The following ATF7 variants were observed in gnomAD, a reference collection of about 807,000 sequenced individuals.
The protein encoded by ATF7 is activating transcription factor 7, also known as cyclic AMP-dependent transcription factor ATF-7.
Under a neutral mutation model 50.4 loss-of-function variants are expected in ATF7, and 10 were observed. That is an observed-to-expected ratio of 0.20 (90% CI 0.12 to 0.34). The LOEUF is 0.34. Ranked by LOEUF, ATF7 falls within the 10% of genes least tolerant of loss-of-function variation. ATF7 has a pLI of 1.00. For missense variants in ATF7, 465 were observed against 613.9 expected (o/e 0.76, Z 2.56); for synonymous variants, 201 against 226.4 (o/e 0.89, Z 1.01).
At chr12:53,557,090 A>T (rs1940803704) in intron 2 of ATF7, among the ~76,000 whole-genome samples, 1 of 152,216 alleles carries the variant, frequency 6.6e-6, no homozygotes, top group South Asian at 2.1e-4. Flanking sequence ...AGTGATAAAA[A>T]TCGTGACCTA....
At chr12:53,549,715 A>G (rs1439835795) in intron 3 of ATF7, among the ~76,000 whole-genome samples, 1 of 152,116 alleles carries the variant, frequency 6.6e-6, no homozygotes, top group African/African-American at 2.4e-5. Flanking sequence ...CCTGCCGAGT[A>G]GCTGGGACTA....
At chr12:53,533,341 C>CTGGAA in intron 6 of ATF7, 82 bp from the exon 7 acceptor site, 1 of 1,216,216 alleles carries the variant, frequency 8.2e-7, no homozygotes, top group Non-Finnish European at 1.2e-6. Flanking sequence ...GAAGATTTTC[C>CTGGAA]AGTCTTCTCT....
At position 53,615,240 on chromosome 12, in the gene ATF7, C is replaced by G. The variant is rs138524057; in HGVS notation, c.-22+11039G>C. Among the ~76,000 whole-genome samples, 298 of 152,026 alleles carry G rather than the reference C, an allele frequency of 2.0e-3. 1 individual carries two copies. Among genetic ancestry groups the G allele is most frequent in the African/African-American group, 7.1e-3 (293 of 41,460 alleles). ...CTACTAAAAATACAAAAAAATTGGC[C>G]AGGCATGGTGGCGGGCGCCTGTAGT... On this transcript the variant is annotated intron_variant, in intron 1 of 11. Transcript: ENST00000420353.
intron 3 of ATF7, among the ~76,000 whole-genome samples, chr12:53,550,359 TAAATA>T (rs1209843535): frequency 1.4e-5 from 2 of 145,340 alleles, no homozygotes; most frequent in East Asian, 4.0e-4. Context: ...AATAAATAAA[TAAATA>T]AATAATAAAT....
At chr12:53,584,642 T>C (rs1296020712) in intron 2 of ATF7, among the ~76,000 whole-genome samples, 1 of 152,200 alleles carries the variant, frequency 6.6e-6, no homozygotes, top group African/African-American at 2.4e-5. Context: ...GCAATGAAGA[T>C]GTCCTTCAGC....
rs1289120100 is a variant in ATF7 at position 53,594,785 on chromosome 12, G to C, written c.48+6168C>G. ...GCGCTTATAGTCCCAGTACTGGGGA[G>C]ACTGAGGCAGGAGAATCGCTTGAAC... On this transcript the variant is annotated intron_variant, in intron 2 of 11. Coordinates refer to ENST00000420353, the MANE Select transcript of ATF7 (RefSeq NM_006856.3). 5.9e-5 allele frequency among the ~76,000 whole-genome samples: 9 copies of C among 151,780 alleles called. 1 individual carries two copies. In the East Asian group the frequency reaches 1.5e-3, roughly 26 times the overall value.
intron 2 of ATF7, among the ~76,000 whole-genome samples, chr12:53,594,143 G>C (rs951663970): frequency 2.0e-5 from 3 of 152,224 alleles, no homozygotes; most frequent in African/African-American, 7.2e-5. Flanking sequence ...ATGAAAGACA[G>C]GCTCTAAGAT....
At chr12:53,537,782 G>A (rs1383178552) in intron 4 of ATF7, among the ~76,000 whole-genome samples, 3 of 151,998 alleles carry the variant, frequency 2.0e-5, no homozygotes, top group Non-Finnish European at 2.9e-5. Flanking sequence ...GTGTGATCTC[G>A]TCTCACTGCA....
downstream of ATF7, among the ~76,000 whole-genome samples, chr12:53,509,105 A>G (rs1254712027): frequency 2.0e-5 from 3 of 152,172 alleles, no homozygotes; most frequent in Non-Finnish European, 4.4e-5. Context: ...AGGAAGAGCC[A>G]TGACGTAAAG....
chr12:53,601,923 G>A (rs1363719700), intron 1 of ATF7, among the ~76,000 whole-genome samples: 2 of 152,146 alleles, frequency 1.3e-5, no homozygotes, highest in Non-Finnish European at 2.9e-5. Context: ...AATTATTGAA[G>A]CTAAACTCTC....
At chr12:53,530,252 C>T (rs997118836) in intron 9 of ATF7, among the ~76,000 whole-genome samples, 11 of 152,090 alleles carry the variant, frequency 7.2e-5, no homozygotes, top group Non-Finnish European at 1.0e-4. Context: ...CAAGCTTTAC[C>T]GTAGCATATG....
At chr12:53,565,549 G>C (rs922514160) in intron 2 of ATF7, among the ~76,000 whole-genome samples, 2 of 152,236 alleles carry the variant, frequency 1.3e-5, no homozygotes, top group African/African-American at 4.8e-5. Context: ...CTGGAGTATA[G>C]TGGCATGATA....
chr12:53,533,024 A>T, intron 7 of ATF7, 136 bp downstream of exon 7: 3 of 742,136 alleles, frequency 4.0e-6, no homozygotes, highest in Non-Finnish European at 4.5e-6. Context: ...TGAAGAGTTT[A>T]GGCAGGCTGC....
In ATF7 at chr12:53,534,442, A is replaced by C; in HGVS notation, c.560+60T>G. The C allele has an allele frequency of 3.1e-6, 5 of 1,597,742 alleles. No individual in the cohort carries two copies. In the South Asian group the frequency reaches 5.5e-5, roughly 18 times the overall value. On this transcript the variant is annotated intron_variant, in intron 6 of 11. Coordinates refer to ENST00000420353, the MANE Select transcript of ATF7 (RefSeq NM_006856.3). ...GAAAACAGTCCCAGTTTTATCAAAT[A>C]GTTTCATGTAATGGAAAGAAATGCA...
chr12:53,570,767 GTGTGTGTGTA>G lies in ATF7; in HGVS notation c.49-18140_49-18131del, dbSNP rs1310360752. On this transcript the variant is annotated intron_variant, in intron 2 of 11. Coordinates refer to ENST00000420353, the MANE Select transcript of ATF7 (RefSeq NM_006856.3). Reference sequence around the variant, plus strand: ...TGTGTGTGTGTGTGTGTGTGTGTGTGTGTGTGTGTATGTCCAATTTCCTCTTTTTATAGGA... The same window carrying G: ...TGTGTGTGTGTGTGTGTGTGTGTGTGTGTCCAATTTCCTCTTTTTATAGGA... Among the ~76,000 whole-genome samples, 27 of 150,892 alleles carry G rather than the reference GTGTGTGTGTA, an allele frequency of 1.8e-4. No homozygotes were observed. In the South Asian group the frequency reaches 2.5e-3, roughly 14 times the overall value.
chr12:53,556,864 C>T (rs1273978962), intron 2 of ATF7, among the ~76,000 whole-genome samples: 1 of 152,190 alleles, frequency 6.6e-6, no homozygotes, highest in Non-Finnish European at 1.5e-5. Context: ...TCATAAACTT[C>T]ATTCATAGGA....
In ATF7 at chr12:53,600,949, G is replaced by T. The variant is rs776155920; in HGVS notation, c.48+4C>A. On this transcript the variant is annotated splice_donor_region_variant and intron_variant, in intron 2 of 11. Coordinates refer to ENST00000420353, the MANE Select transcript of ATF7 (RefSeq NM_006856.3). ...ATTCACAATAAAGTATATTGTAAAC[G>T]TACCTGTCCACAGCCCGGGGCATTG... 2 of 1,612,614 alleles carry T rather than the reference G, an allele frequency of 1.2e-6. No individual in the cohort carries two copies. The highest frequency in any genetic ancestry group is 1.7e-6 in the Non-Finnish European group (2 of 1,179,280).
chr12:53,532,043 A>C (rs1938930613), intron 8 of ATF7, 147 bp from the exon 9 acceptor site: 1 of 959,422 alleles, frequency 1.0e-6, no homozygotes. Flanking sequence ...AGAGAAAATG[A>C]CAGGCAGAGA....
chr12:53,572,273 C>A lies in ATF7; in HGVS notation c.49-19636G>T, dbSNP rs151213065. Among the ~76,000 whole-genome samples, 362 of 152,202 alleles carry A rather than the reference C, an allele frequency of 2.4e-3. 1 individual carries two copies. Among genetic ancestry groups the A allele is most frequent in the African/African-American group, 7.2e-3 (298 of 41,520 alleles). Reference sequence around the variant, plus strand: ...CATAGATCTATCAGAGAAGTGAGTTCACAGGGCAAACTGCTGTTCCCCAAA... The same window carrying A: ...CATAGATCTATCAGAGAAGTGAGTTAACAGGGCAAACTGCTGTTCCCCAAA... On this transcript the variant is annotated intron_variant, in intron 2 of 11. Coordinates refer to ENST00000420353, the MANE Select transcript of ATF7 (RefSeq NM_006856.3).
Sources: allele counts gnomAD v4.1 joint callset (sites outside exome capture counted in the v4.1 genomes callset), GRCh38; gene constraint gnomAD v4.1.1; transcripts MANE v1.5; gene names NCBI Gene and HGNC (gene_info 2026-07-23, HGNC 2026-07-21).